Variants in ALCAM observed in about 807,000 individuals in gnomAD.
The protein encoded by ALCAM is CD166 antigen.
A neutral mutation model predicts 70.9 loss-of-function variants in ALCAM; 30 were observed. That is an observed-to-expected ratio of 0.42 (90% CI 0.32 to 0.57). The LOEUF (loss-of-function observed/expected upper bound fraction) is 0.57. ALCAM is among the 20% of genes least tolerant of loss of function. The pLI is 0.11. For missense variants in ALCAM, 591 were observed against 695.1 expected, an observed-to-expected ratio of 0.85 and a Z score of 1.68; for synonymous variants, 249 against 242.5, an observed-to-expected ratio of 1.03 and a Z score of -0.25.
At chr3:105,545,826 T>C (rs924178979) in intron 9 of ALCAM, among the ~76,000 whole-genome samples, 1 of 151,460 alleles carries the variant, frequency 6.6e-6, no homozygotes, top group African/African-American at 2.4e-5. Context: ...GTATGAATAC[T>C]ATGCTTTGAT....
chr3:105,569,759 A>C (rs9841699), intron 14 of ALCAM, among the ~76,000 whole-genome samples: 12,529 of 152,250 alleles, frequency 0.082, 656 homozygotes, highest in Non-Finnish European at 0.12. Context: ...CAAGTCAAGG[A>C]AACTAAAGAG....
At chr3:105,478,777 T>C (rs1332774560) in intron 1 of ALCAM, among the ~76,000 whole-genome samples, 1 of 152,080 alleles carries the variant, frequency 6.6e-6, no homozygotes, top group Non-Finnish European at 1.5e-5. Context: ...AAAGAGATAA[T>C]AAAAAGAAAA....
At chr3:105,526,382 T>A (rs998791980) in intron 3 of ALCAM, among the ~76,000 whole-genome samples, 4 of 151,812 alleles carry the variant, frequency 2.6e-5, no homozygotes, top group African/African-American at 7.3e-5. Flanking sequence ...CTGAAAAAAA[T>A]TCAGCTGGCC....
At chr3:105,555,050 T>G (rs1940488406) in intron 14 of ALCAM, among the ~76,000 whole-genome samples, 1 of 151,974 alleles carries the variant, frequency 6.6e-6, no homozygotes, top group South Asian at 2.1e-4. Flanking sequence ...ATGAATAAAA[T>G]AAATTTGTGT....
intron 3 of ALCAM, among the ~76,000 whole-genome samples, chr3:105,530,754 G>A (rs1182569256): frequency 2.6e-5 from 4 of 151,970 alleles, no homozygotes; most frequent in Non-Finnish European, 4.4e-5. Context: ...AATATCTCAT[G>A]TAAAGCATAT....
rs370467206 is a variant in ALCAM at position 105,492,662 on chromosome 3, T to C, written c.74-27405T>C. On this transcript the variant is annotated intron_variant, in intron 1 of 15. Coordinates refer to ENST00000306107, the MANE Select transcript of ALCAM (RefSeq NM_001627.4). The stretch of plus-strand genomic sequence containing the variant: ...AGCTCATTTGAACTAATATGGAAAC[T>C]CCTCGAAGACAAAAATGTAATAATA... Among the ~76,000 whole-genome samples the C allele has an allele frequency of 6.8e-4, 103 of 152,278 alleles. 1 individual carries two copies. In the South Asian group the frequency reaches 0.011, roughly 16 times the overall value.
intron 1 of ALCAM, among the ~76,000 whole-genome samples, chr3:105,500,372 G>T (rs951607281): frequency 6.7e-6 from 1 of 150,204 alleles, no homozygotes; most frequent in East Asian, 2.0e-4. Flanking sequence ...GTATTTTTAC[G>T]ATGCAAGCTC....
At chr3:105,566,836 A>G (rs1418388367) in intron 14 of ALCAM, among the ~76,000 whole-genome samples, 1 of 152,178 alleles carries the variant, frequency 6.6e-6, no homozygotes, top group Admixed American at 6.5e-5. Context: ...AATATTTTAC[A>G]TATCTACAAT....
intron 7 of ALCAM, 61 bp from the exon 8 acceptor site, chr3:105,541,572 T>C: frequency 2.6e-6 from 4 of 1,554,150 alleles, no homozygotes; most frequent in South Asian, 1.2e-5. Context: ...CATCAAGAAA[T>C]ACAACTGTTC....
chr3:105,572,221 C>T (rs775038625), intron 15 of ALCAM, among the ~76,000 whole-genome samples: 16 of 152,180 alleles, frequency 1.1e-4, no homozygotes, highest in African/African-American at 3.1e-4. Flanking sequence ...TCTCCTAATG[C>T]GTCCCTCCCC....
intron 1 of ALCAM, among the ~76,000 whole-genome samples, chr3:105,448,505 A>G (rs148287751): frequency 1.3e-5 from 2 of 152,108 alleles, no homozygotes; most frequent in East Asian, 1.9e-4. Context: ...GCCAATTCCA[A>G]CCTAGAGCAA....
chr3:105,384,476 T>G (rs1463570504), intron 1 of ALCAM, among the ~76,000 whole-genome samples: 1 of 151,550 alleles, frequency 6.6e-6, no homozygotes, highest in Non-Finnish European at 1.5e-5. Flanking sequence ...CTTCAGAATT[T>G]TAACTTCTAT....
Position 105,524,359 on chromosome 3 carries a change from A to G in ALCAM, c.245A>G (p.Asp82Gly), listed in dbSNP as rs759732563. Residue 82 changes from aspartate (D) to glycine (G), a missense_variant, in exon 3 of 16, where the codon GAT becomes GGT. Coordinates refer to ENST00000306107, the MANE Select transcript of ALCAM (RefSeq NM_001627.4). ...SSTKKSVQYD[D>G]VPEYKDRLNL... ...ACAAAGAAAAGTGTGCAGTACGACG[A>G]TGTACCAGAATACAAAGACAGATTG... The G allele has an allele frequency of 2.5e-6, 4 of 1,613,976 alleles. No individual in the cohort carries two copies. Among genetic ancestry groups the G allele is most frequent in the Non-Finnish European group, 3.4e-6 (4 of 1,179,974 alleles).
intron 1 of ALCAM, among the ~76,000 whole-genome samples, chr3:105,406,472 C>T (rs545211444): frequency 1.8e-4 from 27 of 152,192 alleles, no homozygotes; most frequent in African/African-American, 6.5e-4. Context: ...TCAGTCAATA[C>T]TGAAACAGCT....
intron 1 of ALCAM, among the ~76,000 whole-genome samples, chr3:105,445,758 G>A (rs1309633652): frequency 6.6e-6 from 1 of 152,138 alleles, no homozygotes; most frequent in Non-Finnish European, 1.5e-5. Context: ...ATTGGTGCTG[G>A]GAAAACTAGA....
rs554577008 is a variant in ALCAM, at chr3:105,421,540, G to C, written c.73+54059G>C. ...TTATATCTAGTCTTTTCCTCAGCCT[G>C]TTCTATTCTGATAAAGGCTTAAGAA... On this transcript the variant is annotated intron_variant, in intron 1 of 15. Transcript: ENST00000306107. Among the ~76,000 whole-genome samples the C allele has an allele frequency of 9.9e-5, 15 of 151,510 alleles. No individual in the cohort carries two copies. In the South Asian group the frequency reaches 3.1e-3, roughly 31 times the overall value.
chr3:105,455,201 G>T (rs1437208536), intron 1 of ALCAM, among the ~76,000 whole-genome samples: 2 of 151,728 alleles, frequency 1.3e-5, no homozygotes, highest in Non-Finnish European at 2.9e-5. Context: ...CAGCTCTTTG[G>T]GAGGCCGAGG....
chr3:105,428,014 G>T (rs976671185), intron 1 of ALCAM, among the ~76,000 whole-genome samples: 2 of 151,402 alleles, frequency 1.3e-5, no homozygotes, highest in Non-Finnish European at 3.0e-5. Flanking sequence ...TTTTGAAAAA[G>T]AAAAAAAATG....
chr3:105,565,573 C>T (rs1333414992), intron 14 of ALCAM, among the ~76,000 whole-genome samples: 1 of 152,130 alleles, frequency 6.6e-6, no homozygotes, highest in East Asian at 1.9e-4. Context: ...TCCTTGCCTA[C>T]TAATTTAATT....
Sources: gnomAD v4.1 joint callset for allele counts (sites outside exome capture counted in the v4.1 genomes callset) on GRCh38, gnomAD v4.1.1 for gene constraint, MANE v1.5 for transcripts, NCBI Gene and HGNC (gene_info 2026-07-23, HGNC 2026-07-21) for gene names.